The following MID1 variants were observed in gnomAD, a reference collection of about 807,000 sequenced individuals.
MID1 encodes the protein E3 ubiquitin-protein ligase Midline-1.
Under a neutral mutation model 40.4 loss-of-function variants are expected in MID1, and 7 were observed. The ratio of observed to expected loss-of-function variants is 0.17; its 90% CI spans 0.10 to 0.33. The LOEUF (loss-of-function observed/expected upper bound fraction) is 0.33. Ranked by LOEUF, MID1 falls within the 10% of genes least tolerant of loss-of-function variation. The pLI is 1.00. For missense variants in MID1, 367 were observed against 558.5 expected (o/e 0.66, Z 3.46); for synonymous variants, 229 against 221.2 (o/e 1.04, Z -0.31).
intron 1 of MID1, among the ~76,000 whole-genome samples, chrX:10,833,379 G>A (rs1044041411): frequency 2.7e-5 from 3 of 111,868 alleles, no homozygotes; most frequent in South Asian, 3.7e-4. Context: ...GTGGATTTTC[G>A]GTGTGCAAAA....
intron 1 of MID1, among the ~76,000 whole-genome samples, chrX:10,829,171 T>C (rs1012261521): frequency 1.8e-5 from 2 of 112,293 alleles, no homozygotes; most frequent in East Asian, 2.8e-4. Flanking sequence ...TATAAATAAC[T>C]GCACAATTAG....
chrX:10,636,033 G>C (rs1256572295), intron 1 of MID1, among the ~76,000 whole-genome samples: 1 of 111,844 alleles, frequency 8.9e-6, no homozygotes, highest in Non-Finnish European at 1.9e-5. Flanking sequence ...TTTAATTTTG[G>C]ATTTGCTTTG....
At chrX:10,742,896 G>A (rs1191664051) in intron 1 of MID1, among the ~76,000 whole-genome samples, 1 of 112,524 alleles carries the variant, frequency 8.9e-6, no homozygotes, top group Non-Finnish European at 1.9e-5. Context: ...AGATAGACTC[G>A]ACTTTTCTGG....
At chrX:10,645,424 A>T (rs1042952438) in intron 1 of MID1, among the ~76,000 whole-genome samples, 12 of 111,992 alleles carry the variant, frequency 1.1e-4, no homozygotes, top group African/African-American at 2.9e-4. Flanking sequence ...CATGGTTTGA[A>T]CAGTTGGTCA....
chrX:10,540,840 G>A (rs753898087), intron 2 of MID1, among the ~76,000 whole-genome samples: 39 of 112,171 alleles, frequency 3.5e-4, no homozygotes, highest in Non-Finnish European at 6.8e-4. Context: ...AGTATTTGCT[G>A]CATAGTAGTC....
chrX:10,560,288 A>G (rs1012867356), intron 2 of MID1, among the ~76,000 whole-genome samples: 2 of 111,249 alleles, frequency 1.8e-5, no homozygotes, highest in Non-Finnish European at 3.8e-5. Flanking sequence ...AAAAGCTAGA[A>G]GCATTCCCTT....
chrX:10,695,231 CCTT>C (rs1487543637), intron 1 of MID1, among the ~76,000 whole-genome samples: 1 of 111,739 alleles, frequency 8.9e-6, no homozygotes, highest in Non-Finnish European at 1.9e-5. Context: ...CTCAAGCAAT[CCTT>C]CTACCTCAGC....
intron 1 of MID1, among the ~76,000 whole-genome samples, chrX:10,706,438 G>T (rs1192837341): frequency 9.0e-6 from 1 of 110,753 alleles, no homozygotes; most frequent in Non-Finnish European, 1.9e-5. Flanking sequence ...GGACCTGGTG[G>T]GAGGAAACTG....
chrX:10,446,202 C>T lies in MID1; in HGVS notation c.*3166G>A, dbSNP rs1233334700. 9.0e-6 allele frequency: 1 copy of T among 111,572 alleles called. No individual in the cohort carries two copies. The highest frequency in any genetic ancestry group is 3.3e-5 in the African/African-American group (1 of 30,692). The allele number at this position is 111,572 out of a possible 1,213,427, so 9.2% of individuals were successfully genotyped here. On this transcript the variant is annotated 3_prime_UTR_variant, in exon 10 of 10. Coordinates refer to ENST00000317552, the MANE Select transcript of MID1 (RefSeq NM_000381.4). ...AACATCCTCCTGCCCCCATCATTGT[C>T]TTGGTGTGCTTTTTACCATTTTATT...
Position 10,523,085 on chromosome X carries a change from T to C in MID1, c.756+7A>G, listed in dbSNP as rs778525802. 12 of 1,160,920 alleles carry C rather than the reference T, an allele frequency of 1.0e-5. No homozygotes were observed. Among genetic ancestry groups the C allele is most frequent in the Admixed American group, 4.4e-5 (2 of 45,414 alleles). On this transcript the variant is annotated splice_region_variant and intron_variant, in intron 3 of 9. Transcript: ENST00000317552. ...AACATACCATACAGAAATACAGAGATACTCACTTCAACATGTTGACAGGTT... is the reference window on the plus strand; with the variant it reads ...AACATACCATACAGAAATACAGAGACACTCACTTCAACATGTTGACAGGTT...
intron 1 of MID1, among the ~76,000 whole-genome samples, chrX:10,646,739 TAAGTA>T (rs1359800229): frequency 6.3e-5 from 7 of 111,891 alleles, no homozygotes; most frequent in African/African-American, 2.0e-4. Flanking sequence ...GAAAATAAGT[TAAGTA>T]ATCTTTTATA....
In MID1 at chrX:10,446,222, TTTATTAAGA is replaced by T. The variant is rs1198100715; in HGVS notation, c.*3137_*3145del. 9.0e-6 allele frequency: 1 copy of T among 111,671 alleles called. No individual in the cohort carries two copies. The highest frequency in any genetic ancestry group is 1.9e-5 in the Non-Finnish European group (1 of 53,162). 9.2% of individuals were successfully genotyped at this position (111,671 alleles called of 1,213,427 possible). ...ATTGTCTTGGTGTGCTTTTTACCATTTTATTAAGATAGACCAGATGGTCAACTTCCCAAC... is the reference window on the plus strand; with the variant it reads ...ATTGTCTTGGTGTGCTTTTTACCATTTAGACCAGATGGTCAACTTCCCAAC... On this transcript the variant is annotated 3_prime_UTR_variant, in exon 10 of 10. Transcript: ENST00000317552.
At chrX:10,482,422 C>CACAGCGCAGATACAAGAGCCCA (rs1441839699) in intron 5 of MID1, 58 bp downstream of exon 5, 36 of 1,153,710 alleles carry the variant, frequency 3.1e-5, no homozygotes, top group Non-Finnish European at 4.0e-5. Context: ...ACCAACCAAT[C>CACAGCGCAGATACAAGAGCCCA]ACAGCGCAGA....
chrX:10,474,674 A>T lies in MID1; in HGVS notation c.1090T>A (p.Leu364Ile), dbSNP rs765282014. Residue 364 changes from leucine (L) to isoleucine (I), a missense_variant, in exon 6 of 10, where the codon TTA becomes ATA. Physicochemically the swap from Leu to Ile is conservative, Grantham distance 5. This residue lies in a region of MID1 where 275 missense variants were observed against 383.1 expected (regional missense o/e 0.72). Coordinates refer to ENST00000317552, the MANE Select transcript of MID1 (RefSeq NM_000381.4). ...NLNDTFDTFA[L>I]DFSREKKLLE... The stretch of plus-strand genomic sequence containing the variant: ...AGTTTCTTCTCTCGGGAAAAATCTA[A>T]GGCAAAGGTGTCAAATGTGTCATTG... 1 of 1,208,629 alleles carries T rather than the reference A, an allele frequency of 8.3e-7. No homozygotes were observed. Among genetic ancestry groups the T allele is most frequent in the South Asian group, 1.8e-5 (1 of 56,896 alleles).
chrX:10,635,561 T>C (rs766591655), intron 1 of MID1, among the ~76,000 whole-genome samples: 1 of 111,937 alleles, frequency 8.9e-6, no homozygotes, highest in Non-Finnish European at 1.9e-5. Context: ...ATATGCCTTC[T>C]ATAAGAATGC....
At chrX:10,464,708 G>A (rs1465758586) in intron 7 of MID1, among the ~76,000 whole-genome samples, 2 of 111,964 alleles carry the variant, frequency 1.8e-5, no homozygotes, top group Admixed American at 9.5e-5. Context: ...CCATGTGAGG[G>A]AGCCAAGATC....
intron 1 of MID1, among the ~76,000 whole-genome samples, chrX:10,705,737 T>C (rs2043226821): frequency 8.9e-6 from 1 of 111,988 alleles, no homozygotes; most frequent in Admixed American, 9.5e-5. Flanking sequence ...AGTCACTTGC[T>C]TAAGAATGCA....
chrX:10,452,895 G>T lies in MID1; in HGVS notation c.1655+1975C>A, dbSNP rs1928433300. On this transcript the variant is annotated intron_variant, in intron 9 of 9. Transcript: ENST00000317552. ...AATGGCAATGAGATCATAATGATCA[G>T]GTTTCATTTATCATAATTAATTATT... 3.6e-5 allele frequency among the ~76,000 whole-genome samples: 4 copies of T among 111,841 alleles called. No homozygotes were observed. In the Admixed American group the frequency reaches 3.8e-4, roughly 11 times the overall value.
chrX:10,509,142 C>T (rs1341918951), intron 3 of MID1, among the ~76,000 whole-genome samples: 1 of 111,125 alleles, frequency 9.0e-6, no homozygotes, highest in Admixed American at 9.6e-5. Context: ...GGGGCTTTGA[C>T]AAAAGGACAG....
Sources: gnomAD v4.1 joint callset for allele counts (sites outside exome capture counted in the v4.1 genomes callset) on GRCh38, gnomAD v4.1.1 for gene constraint, gnomAD v4.1.1 regional missense constraint, MANE v1.5 for transcripts, NCBI Gene and HGNC (gene_info 2026-07-23, HGNC 2026-07-21) for gene names.